The following MYT1L variants were observed in gnomAD, a reference collection of about 807,000 sequenced individuals.
The protein encoded by MYT1L is myelin transcription factor 1 like.
In MYT1L, 12 loss-of-function variants were observed where a neutral mutation model predicts 126.7. The ratio of observed to expected loss-of-function variants is 0.09; its 90% confidence interval spans 0.06 to 0.15. The LOEUF (loss-of-function observed/expected upper bound fraction) is 0.15, where lower values mean the gene tolerates loss of function less well. Ranked by LOEUF, MYT1L falls within the 10% of genes least tolerant of loss-of-function variation. The probability of loss-of-function intolerance (pLI) is 1.00; values close to 1 mark genes in which losing one functional copy is unlikely to be tolerated. For synonymous variants in MYT1L, 541 were observed against 604.2 expected (o/e 0.90, Z 1.53); for missense variants, 979 against 1,585.2 (o/e 0.62, Z 6.49).
chr2:2,173,789 G>A (rs1198597998), intron 2 of MYT1L, among the ~76,000 whole-genome samples: 2 of 152,164 alleles, frequency 1.3e-5, no homozygotes, highest in Non-Finnish European at 2.9e-5. Context: ...AAGTGTTAAT[G>A]GGCCTCAGTG....
chr2:2,186,981 CAAAAT>C (rs535424040), intron 2 of MYT1L, among the ~76,000 whole-genome samples: 82 of 152,178 alleles, frequency 5.4e-4, no homozygotes, highest in Middle Eastern at 3.4e-3. Context: ...TTTTGGAAAA[CAAAAT>C]AAAGAATTTT....
At chr2:2,033,348 C>T (rs1368739123) in intron 4 of MYT1L, among the ~76,000 whole-genome samples, 1 of 144,992 alleles carries the variant, frequency 6.9e-6, no homozygotes, top group East Asian at 2.1e-4. Context: ...CATCCTGTGG[C>T]CCAGAGCAGA....
Position 1,889,441 on chromosome 2 carries a change from C to T in MYT1L, c.2320G>A (p.Asp774Asn), listed in dbSNP as rs2048556500. The stretch of plus-strand genomic sequence containing the variant: ...GGCCTCTGCTTGTTCATGCTGAGGT[C>T]CAGGGTCCCGTTCTCATCCACCTCC... The part of the protein sequence containing the change: ...DMEVDENGTL[D>N]LSMNKQRPRD... Residue 774 changes from aspartate (D) to asparagine (N), a missense_variant, in exon 16 of 25, where the codon GAC becomes AAC. Asp to Asn is a conservative substitution (Grantham distance 23). Around this residue, in one of 12 missense-constraint regions of MYT1L, gnomAD observed 141 missense variants for 170.6 expected, o/e 0.83. Transcript: ENST00000647738. The surrounding 1 kb of genome is among the most constrained non-coding windows in gnomAD (Gnocchi z 4.1). The T allele has an allele frequency of 6.2e-7, 1 of 1,611,970 alleles. No individual in the cohort carries two copies. The highest frequency in any genetic ancestry group is 8.5e-7 in the Non-Finnish European group (1 of 1,178,424).
chr2:1,986,138 A>AATTGT (rs2061000661), intron 5 of MYT1L, among the ~76,000 whole-genome samples: 1 of 152,260 alleles, frequency 6.6e-6, no homozygotes, highest in African/African-American at 2.4e-5. Flanking sequence ...TGAATGAATA[A>AATTGT]ACTAATTACA....
intron 1 of MYT1L, chr2:2,319,163 C>T (rs753598109): frequency 1.3e-5 from 2 of 152,154 alleles, no homozygotes; most frequent in African/African-American, 2.4e-5. Flanking sequence ...CTGCTTATGT[C>T]ACAGAGAAGG....
At chr2:2,066,821 G>A (rs56043048) in intron 3 of MYT1L, among the ~76,000 whole-genome samples, 1 of 152,260 alleles carries the variant, frequency 6.6e-6, no homozygotes, top group African/African-American at 2.4e-5. Context: ...GGGTGAGTCA[G>A]TGTCATTGCA....
chr2:2,131,697 C>T (rs141453368), intron 3 of MYT1L, among the ~76,000 whole-genome samples: 269 of 152,166 alleles, frequency 1.8e-3, no homozygotes, highest in Admixed American at 3.7e-3. Flanking sequence ...CTGGGGAGGA[C>T]TTGCAAGAGC....
At chr2:1,999,266 C>A (rs2062145513) in intron 4 of MYT1L, among the ~76,000 whole-genome samples, 1 of 152,130 alleles carries the variant, frequency 6.6e-6, no homozygotes, top group Admixed American at 6.5e-5. Flanking sequence ...AGACAAGCAG[C>A]AAAGGTCACA....
At chr2:2,307,117 C>T (rs1194642871) in intron 1 of MYT1L, among the ~76,000 whole-genome samples, 1 of 152,058 alleles carries the variant, frequency 6.6e-6, no homozygotes, top group Non-Finnish European at 1.5e-5. Flanking sequence ...TTGGCCCAGT[C>T]CTCACGGCAA....
At position 2,275,661 on chromosome 2, in the gene MYT1L, T is replaced by C. The variant is rs146994247; in HGVS notation, c.-421+8743A>G. ...TCTTCTCTACCTCGTCCATGGAATG[T>C]GAGCATCACTTACCTTTCATTTCAA... On this transcript the variant is annotated intron_variant, in intron 2 of 24. Transcript: ENST00000647738. Among the ~76,000 whole-genome samples, 863 of 152,284 alleles carry C rather than the reference T, an allele frequency of 5.7e-3. 8 individuals are homozygous for C. Among genetic ancestry groups the C allele is most frequent in the African/African-American group, 0.02 (828 of 41,556 alleles).
At chr2:2,084,683 A>T (rs1477925986) in intron 3 of MYT1L, among the ~76,000 whole-genome samples, 1 of 152,164 alleles carries the variant, frequency 6.6e-6, no homozygotes, top group African/African-American at 2.4e-5. Flanking sequence ...GAGAGACCCT[A>T]TGAGGGAGGA....
At chr2:2,330,641 G>T (rs1420031057) in intron 1 of MYT1L, among the ~76,000 whole-genome samples, 1 of 152,122 alleles carries the variant, frequency 6.6e-6, no homozygotes, top group Non-Finnish European at 1.5e-5. Flanking sequence ...AAGTAATCCA[G>T]TAAAGTCTCT....
intron 20 of MYT1L, 80 bp from the exon 21 acceptor site, chr2:1,839,450 C>T (rs959695819): frequency 2.3e-6 from 3 of 1,291,438 alleles, no homozygotes; most frequent in South Asian, 1.4e-5. Context: ...CAGAATAACC[C>T]GGCATGAAGA....
At position 1,847,329 on chromosome 2, in the gene MYT1L, G is replaced by A. The variant is rs181369152; in HGVS notation, c.2774+4312C>T. Among the ~76,000 whole-genome samples the A allele has an allele frequency of 2.6e-3, 389 of 152,298 alleles. 11 individuals carry two copies. Among genetic ancestry groups the A allele is most frequent in the Admixed American group, 0.023 (351 of 15,302 alleles). On this transcript the variant is annotated intron_variant, in intron 19 of 24. Transcript: ENST00000647738. Reference sequence around the variant, plus strand: ...TGTGATTAGAGGCCATTCGGGAACCGTAGAGGCCACAGGGTGTTCTAGTGG... The same window carrying A: ...TGTGATTAGAGGCCATTCGGGAACCATAGAGGCCACAGGGTGTTCTAGTGG...
intron 18 of MYT1L, among the ~76,000 whole-genome samples, chr2:1,882,604 TCA>T (rs543097131): frequency 4.9e-4 from 75 of 152,328 alleles, no homozygotes; most frequent in Admixed American, 2.0e-3. Context: ...CAGTTGTAAT[TCA>T]CAGAGTTCTG....
At chr2:2,171,897 G>A (rs535925980) in intron 3 of MYT1L, among the ~76,000 whole-genome samples, 1 of 152,190 alleles carries the variant, frequency 6.6e-6, no homozygotes, top group African/African-American at 2.4e-5. Flanking sequence ...CAAATGGGGC[G>A]GTCGGCAGAC....
In MYT1L at chr2:1,790,923, A is replaced by T. The variant is rs891954460; in HGVS notation, c.*944T>A. On this transcript the variant is annotated 3_prime_UTR_variant, in exon 25 of 25. Coordinates refer to ENST00000647738, the MANE Select transcript of MYT1L (RefSeq NM_001303052.2). ...TCGAAAACACACAAATTCTGTTGAT[A>T]AACTACATTGCAATAACAGACAGTT... The T allele has an allele frequency of 1.8e-5, 3 of 168,030 alleles. No individual in the cohort carries two copies. The highest frequency in any genetic ancestry group is 7.2e-5 in the African/African-American group (3 of 41,818). 10.4% of individuals were successfully genotyped at this position (168,030 alleles called of 1,614,324 possible).
intron 3 of MYT1L, among the ~76,000 whole-genome samples, chr2:2,171,979 T>C (rs543426643): frequency 1.4e-4 from 21 of 152,294 alleles, no homozygotes; most frequent in Middle Eastern, 3.4e-3. Context: ...TGCTGAGAAA[T>C]TGCCATTTTT....
chr2:1,960,540 A>G (rs944731389), intron 8 of MYT1L, among the ~76,000 whole-genome samples: 2 of 152,252 alleles, frequency 1.3e-5, no homozygotes, highest in Non-Finnish European at 2.9e-5. Flanking sequence ...AAGGAAAATA[A>G]GACTGATACT....
Sources: allele counts gnomAD v4.1 joint callset (sites outside exome capture counted in the v4.1 genomes callset), GRCh38; gene constraint gnomAD v4.1.1; regional missense constraint gnomAD v4.1.1; non-coding constraint Gnocchi (gnomAD v3.1); transcripts MANE v1.5; gene names NCBI Gene and HGNC (gene_info 2026-07-23, HGNC 2026-07-21).